SLC25A29: variants seen among roughly 807,000 people sequenced by gnomAD.
The protein encoded by SLC25A29 is solute carrier family 25 member 29.
In SLC25A29, 13 loss-of-function variants were observed where a neutral mutation model predicts 10.0. The observed-to-expected ratio is 1.30, with a 90% CI of 0.85 to 2.07. The LOEUF (loss-of-function observed/expected upper bound fraction) is 2.07, where lower values mean the gene tolerates loss of function less well. Ranked by LOEUF, SLC25A29 falls within the 30% of genes most tolerant of loss-of-function variation. The pLI is 0.00. For synonymous variants in SLC25A29, 244 were observed against 221.1 expected, an observed-to-expected ratio of 1.10 and a Z score of -0.92; for missense variants, 475 against 447.6, an observed-to-expected ratio of 1.06 and a Z score of -0.55.
chr14:100,289,614 G>T (rs1201715268), downstream of SLC25A29, among the ~76,000 whole-genome samples: 1 of 152,060 alleles, frequency 6.6e-6, no homozygotes, highest in Non-Finnish European at 1.5e-5. Context: ...AGGCTGAGGC[G>T]GGTGGATCAC....
At chr14:100,289,096 G>A (rs1253623010), downstream of SLC25A29, among the ~76,000 whole-genome samples, 1 of 152,204 alleles carries the variant, frequency 6.6e-6, no homozygotes, top group Non-Finnish European at 1.5e-5. Context: ...GCCAAGGATT[G>A]CCAGCTGCCC....
At chr14:100,287,637 C>CG (rs1566788201), downstream of SLC25A29, among the ~76,000 whole-genome samples, 1 of 84,170 alleles carries the variant, frequency 1.2e-5, no homozygotes, top group Non-Finnish European at 2.4e-5. Context: ...CACCCCCCCC[C>CG]TCCGAATTCC....
intron 2 of SLC25A29, chr14:100,295,495 G>C (rs1275543917): frequency 1.9e-6 from 2 of 1,071,686 alleles, no homozygotes; most frequent in African/African-American, 3.3e-5. Context: ...CCCACCCCAG[G>C]ACCTGTGCTG....
the SLC25A29 span, among the ~76,000 whole-genome samples, chr14:100,284,711 T>A: frequency 6.6e-6 from 1 of 152,152 alleles, no homozygotes; most frequent in East Asian, 1.9e-4. Flanking sequence ...GGCACTGGCA[T>A]GACATCTGGA....
intron 1 of SLC25A29, 29 bp from the exon 2 acceptor site, chr14:100,298,914 C>T (rs767587481): frequency 1.2e-6 from 2 of 1,613,846 alleles, no homozygotes; most frequent in South Asian, 2.2e-5. Flanking sequence ...ACTTGTGACC[C>T]ACATACCTCA....
chr14:100,291,461 G>A lies in SLC25A29; in HGVS notation c.*822C>T, dbSNP rs1182396792. On this transcript the variant is annotated 3_prime_UTR_variant, in exon 4 of 4. Coordinates refer to ENST00000359232, the MANE Select transcript of SLC25A29 (RefSeq NM_001039355.3). Reference sequence around the variant, plus strand: ...ACTTTGGGGGATCCTGGCTGGCGGTGGTAGGTGGGCCGGAGACTCAGTTGT... The same window carrying A: ...ACTTTGGGGGATCCTGGCTGGCGGTAGTAGGTGGGCCGGAGACTCAGTTGT... 1 of 152,448 alleles carries A rather than the reference G, an allele frequency of 6.6e-6. No individual in the cohort carries two copies. Among genetic ancestry groups the A allele is most frequent in the Non-Finnish European group, 1.5e-5 (1 of 68,244 alleles). The allele number at this position is 152,448 out of a possible 1,614,324, so 9.4% of individuals were successfully genotyped here. A position where few individuals can be genotyped will look rare whatever the true frequency, so the allele number is the denominator to read the frequency against.
the SLC25A29 span, chr14:100,280,931 GA>G: frequency 6.6e-6 from 1 of 151,962 alleles, no homozygotes; most frequent in Non-Finnish European, 1.5e-5. Context: ...AGAAGTTTTG[GA>G]ATTGGAAGCC....
chr14:100,304,547 T>C (rs1892783240), intron 1 of SLC25A29, among the ~76,000 whole-genome samples: 1 of 151,942 alleles, frequency 6.6e-6, no homozygotes, highest in Admixed American at 6.6e-5. Flanking sequence ...TGCCTGGGGG[T>C]TGCACGAAAA....
In SLC25A29 at chr14:100,292,208, G is replaced by A. The variant is rs1029471672; in HGVS notation, c.*75C>T. 7 of 1,503,718 alleles carry A rather than the reference G, an allele frequency of 4.7e-6. No individual in the cohort carries two copies. The highest frequency in any genetic ancestry group is 6.2e-6 in the Non-Finnish European group (7 of 1,121,152). 93.1% of individuals were successfully genotyped at this position (1,503,718 alleles called of 1,614,324 possible). A position where few individuals can be genotyped will look rare whatever the true frequency, so the allele number is the denominator to read the frequency against. On this transcript the variant is annotated 3_prime_UTR_variant, in exon 4 of 4. Coordinates refer to ENST00000359232, the MANE Select transcript of SLC25A29 (RefSeq NM_001039355.3). ...CTCGCAGCATCCCAGCAGGAAGCAG[G>A]GCAATCGACTCAGGGGCCAATTTAT...
the SLC25A29 span, among the ~76,000 whole-genome samples, chr14:100,285,586 G>C: frequency 6.6e-6 from 1 of 152,190 alleles, no homozygotes; most frequent in African/African-American, 2.4e-5. Context: ...CCGCTTACGA[G>C]CGTCCCCCGC....
chr14:100,280,730 A>G, the SLC25A29 span: 1 of 152,120 alleles, frequency 6.6e-6, no homozygotes, highest in South Asian at 2.1e-4. Context: ...GTTCAAGTTC[A>G]TGTCTTCACA....
intron 2 of SLC25A29, chr14:100,294,883 C>T (rs1487254142): frequency 6.6e-6 from 1 of 152,210 alleles, no homozygotes; most frequent in Non-Finnish European, 1.5e-5. Flanking sequence ...CCGAAGCACC[C>T]TCCCACCCTG....
downstream of SLC25A29, among the ~76,000 whole-genome samples, chr14:100,288,709 GT>G (rs775171481): frequency 6.6e-6 from 1 of 151,902 alleles, no homozygotes; most frequent in Non-Finnish European, 1.5e-5. Context: ...GCTCAGACGT[GT>G]CCCCCAGTTA....
At chr14:100,290,218 TGAGA>T (rs778415786), downstream of SLC25A29, among the ~76,000 whole-genome samples, 21 of 152,314 alleles carry the variant, frequency 1.4e-4, no homozygotes, top group East Asian at 3.7e-3. Context: ...CAAGCTGCCC[TGAGA>T]GATTCAGCCA....
the SLC25A29 span, among the ~76,000 whole-genome samples, chr14:100,283,878 A>T: frequency 7.0e-4 from 106 of 151,024 alleles, no homozygotes; most frequent in Non-Finnish European, 1.2e-3. Context: ...TTTTTATTTT[A>T]TTTATTTATT....
chr14:100,294,648 G>A (rs976839208), intron 2 of SLC25A29: 1 of 152,174 alleles, frequency 6.6e-6, no homozygotes, highest in Non-Finnish European at 1.5e-5. Context: ...ATGAGCAGCT[G>A]TGTTGCTCAG....
intron 1 of SLC25A29, chr14:100,304,897 AAGG>A (rs1312465562): frequency 6.6e-6 from 1 of 152,372 alleles, no homozygotes; most frequent in African/African-American, 2.4e-5. Context: ...CAAAGCCTGG[AAGG>A]AGGTGTTGGC....
chr14:100,286,681 C>G (rs1379957748), downstream of SLC25A29, among the ~76,000 whole-genome samples: 1 of 152,224 alleles, frequency 6.6e-6, no homozygotes, highest in Non-Finnish European at 1.5e-5. Flanking sequence ...TGGGAAGTGG[C>G]CTCTGGACCC....
chr14:100,281,646 A>C, the SLC25A29 span: 1 of 152,002 alleles, frequency 6.6e-6, no homozygotes, highest in Non-Finnish European at 1.5e-5. Context: ...ACTTTACAGG[A>C]CAAAAGGTAC....
Sources: allele counts gnomAD v4.1 joint callset (sites outside exome capture counted in the v4.1 genomes callset), GRCh38; gene constraint gnomAD v4.1.1; transcripts MANE v1.5; gene names NCBI Gene and HGNC (gene_info 2026-07-23, HGNC 2026-07-21).